The following VWC2 variants were observed in gnomAD, a reference collection of about 807,000 sequenced individuals.
VWC2 encodes the protein von Willebrand factor C domain containing 2.
VWC2 carries 14 observed loss-of-function variants against 29.8 expected under a neutral mutation model. The ratio of observed to expected loss-of-function variants is 0.47; its 90% CI spans 0.31 to 0.74. The LOEUF (loss-of-function observed/expected upper bound fraction) is 0.74. Among genes scored for constraint, VWC2 ranks in the 30% least tolerant of loss-of-function variants. The probability of loss-of-function intolerance (pLI) is 0.05; values close to 1 mark genes in which losing one functional copy is unlikely to be tolerated. For synonymous variants in VWC2, 213 were observed against 199.0 expected, an observed-to-expected ratio of 1.07 and a Z score of -0.59; for missense variants, 457 against 459.8, an observed-to-expected ratio of 0.99 and a Z score of 0.05.
At chr7:49,910,956 G>T (rs1385037346) in intron 3 of VWC2, among the ~76,000 whole-genome samples, 3 of 152,194 alleles carry the variant, frequency 2.0e-5, no homozygotes, top group Admixed American at 2.0e-4. Context: ...TAATGTATGG[G>T]AAAGTTTGAA....
At chr7:49,832,408 A>G (rs692378) in intron 3 of VWC2, among the ~76,000 whole-genome samples, 1,969 of 152,216 alleles carry the variant, frequency 0.013, 48 homozygotes, top group African/African-American at 0.046. Context: ...AGAGAATTCT[A>G]TTCTCTATTT....
intron 3 of VWC2, among the ~76,000 whole-genome samples, chr7:49,807,747 C>A (rs897254725): frequency 1.1e-4 from 16 of 152,112 alleles, no homozygotes. Context: ...AAGCACTAAA[C>A]ATAAGGAAAT....
chr7:49,877,462 C>CAA (rs1169480763), intron 3 of VWC2, among the ~76,000 whole-genome samples: 87 of 7,050 alleles, frequency 0.012, 27 homozygotes, highest in East Asian at 0.033. Context: ...AACTCTGTCT[C>CAA]AAAAAAAAAA....
At position 49,784,523 on chromosome 7, in the gene VWC2, G is replaced by T. The variant is rs565182495; in HGVS notation, c.696+8392G>T. 6.2e-4 allele frequency among the ~76,000 whole-genome samples: 94 copies of T among 152,304 alleles called. No individual in the cohort carries two copies. The South Asian group carries it at 0.019, about 31-fold the overall frequency. On this transcript the variant is annotated intron_variant, in intron 2 of 3. Transcript: ENST00000340652. ...GGGTTGTGGCACGTGAAGAGTTCAG[G>T]TCCCCAAGTAGAAAGAATCAGATCA...
At chr7:49,788,476 A>AGT (rs1788352971) in intron 2 of VWC2, among the ~76,000 whole-genome samples, 1 of 141,894 alleles carries the variant, frequency 7.0e-6, no homozygotes, top group Non-Finnish European at 1.6e-5. Context: ...TGTGAGAGAG[A>AGT]GTGTGTGGGT....
rs494232 is a variant in VWC2 at position 49,893,453 on chromosome 7, C to T, written c.827-18581C>T. On this transcript the variant is annotated intron_variant, in intron 3 of 3. Transcript: ENST00000340652. ...CATAGAGACAAAATTTGATTTTTTT[C>T]GTGCTTGTTTTAGTCCCTCTTTAAA... 4.1e-3 allele frequency among the ~76,000 whole-genome samples: 619 copies of T among 152,230 alleles called. 2 individuals carry two copies. Among genetic ancestry groups the T allele is most frequent in the African/African-American group, 0.014 (587 of 41,538 alleles).
intron 3 of VWC2, among the ~76,000 whole-genome samples, chr7:49,806,816 T>C (rs1291836395): frequency 6.6e-6 from 1 of 152,118 alleles, no homozygotes; most frequent in East Asian, 1.9e-4. Flanking sequence ...GGTCTCACCA[T>C]TGAATCCTTC....
intron 3 of VWC2, among the ~76,000 whole-genome samples, chr7:49,833,151 A>T (rs1324243667): frequency 3.3e-5 from 5 of 152,252 alleles, no homozygotes; most frequent in African/African-American, 4.8e-5. Context: ...CAGGGCGTTT[A>T]GTGTCAGCAA....
In VWC2 at chr7:49,773,747, T is replaced by C. The variant is rs1043577685; in HGVS notation, c.-470T>C. 7.0e-4 allele frequency: 106 copies of C among 150,994 alleles called. No individual in the cohort carries two copies. Among genetic ancestry groups the C allele is most frequent in the African/African-American group, 2.5e-3 (103 of 40,670 alleles). 9.4% of individuals were successfully genotyped at this position (150,994 alleles called of 1,614,324 possible). A position where few individuals can be genotyped will look rare whatever the true frequency, so the allele number is the denominator to read the frequency against. On this transcript the variant is annotated 5_prime_UTR_variant, in exon 1 of 4. Coordinates refer to ENST00000340652, the MANE Select transcript of VWC2 (RefSeq NM_198570.5). Reference sequence around the variant, plus strand: ...GCCCAGACATTCCGGCTGCCGGGTCTGGAGAGCTCCCCGAACCCCTCCGCG... The same window carrying C: ...GCCCAGACATTCCGGCTGCCGGGTCCGGAGAGCTCCCCGAACCCCTCCGCG...
At chr7:49,883,831 A>G (rs898155584) in intron 3 of VWC2, among the ~76,000 whole-genome samples, 14 of 152,356 alleles carry the variant, frequency 9.2e-5, no homozygotes, top group African/African-American at 3.4e-4. Flanking sequence ...ATTCATAGAC[A>G]TACCCTAGTG....
intron 3 of VWC2, among the ~76,000 whole-genome samples, chr7:49,835,439 G>A (rs950961257): frequency 2.6e-5 from 4 of 152,168 alleles, no homozygotes; most frequent in African/African-American, 9.7e-5. Flanking sequence ...ACCAGGGTCA[G>A]TAATTTTTAA....
intron 3 of VWC2, among the ~76,000 whole-genome samples, chr7:49,852,087 A>G (rs1037883506): frequency 2.0e-5 from 3 of 152,252 alleles, no homozygotes; most frequent in Non-Finnish European, 2.9e-5. Flanking sequence ...GGAGCCCGAC[A>G]GAGGCCAGCA....
intron 2 of VWC2, among the ~76,000 whole-genome samples, chr7:49,786,226 CAT>C (rs898009956): frequency 9.9e-5 from 15 of 152,274 alleles, no homozygotes; most frequent in Non-Finnish European, 1.8e-4. Context: ...TAAATGAAAA[CAT>C]GTGGTATTTG....
intron 3 of VWC2, among the ~76,000 whole-genome samples, chr7:49,867,153 C>G (rs926918390): frequency 1.3e-5 from 2 of 152,190 alleles, no homozygotes; most frequent in African/African-American, 4.8e-5. Flanking sequence ...CACACACAGA[C>G]TAGCCTGCAA....
intron 3 of VWC2, among the ~76,000 whole-genome samples, chr7:49,897,292 A>C (rs1237729011): frequency 1.3e-5 from 2 of 152,122 alleles, no homozygotes; most frequent in African/African-American, 4.8e-5. Context: ...TAATTTCCCA[A>C]CTCATTCCAT....
At chr7:49,839,347 T>C (rs1789741129) in intron 3 of VWC2, among the ~76,000 whole-genome samples, 2 of 152,222 alleles carry the variant, frequency 1.3e-5, no homozygotes, top group South Asian at 4.1e-4. Flanking sequence ...GCAATGGGGA[T>C]AACTTACAAT....
chr7:49,823,572 G>A (rs756642651), intron 3 of VWC2, among the ~76,000 whole-genome samples: 7 of 152,182 alleles, frequency 4.6e-5, no homozygotes, highest in South Asian at 2.1e-4. Flanking sequence ...TTCCTGGGCC[G>A]TAAATATCCT....
intron 3 of VWC2, among the ~76,000 whole-genome samples, chr7:49,907,041 G>A (rs141141480): frequency 1.7e-3 from 256 of 152,288 alleles, no homozygotes; most frequent in Non-Finnish European, 1.7e-3. Flanking sequence ...GGCACACAGT[G>A]GAGCCATAAA....
chr7:49,863,418 C>A (rs954191944), intron 3 of VWC2, among the ~76,000 whole-genome samples: 2 of 151,982 alleles, frequency 1.3e-5, no homozygotes, highest in African/African-American at 4.8e-5. Flanking sequence ...TTTGTTGATT[C>A]TCTCTCCCTT....
Sources: gnomAD v4.1 joint callset for allele counts (sites outside exome capture counted in the v4.1 genomes callset) on GRCh38, gnomAD v4.1.1 for gene constraint, MANE v1.5 for transcripts, NCBI Gene and HGNC (gene_info 2026-07-23, HGNC 2026-07-21) for gene names.